The following KAZN variants were observed in gnomAD, a reference collection of about 807,000 sequenced individuals.
KAZN encodes kazrin, periplakin interacting protein, also known as kazrin.
KAZN carries 40 observed loss-of-function variants against 87.4 expected under a neutral mutation model. That is an observed-to-expected ratio of 0.46 (90% CI 0.36 to 0.60). The LOEUF is 0.60. Ranked by LOEUF, KAZN falls within the 20% of genes least tolerant of loss-of-function variation. The pLI, the probability that KAZN is intolerant of heterozygous loss-of-function variation, is 0.00. For synonymous variants in KAZN, 466 were observed against 458.3 expected (o/e 1.02, Z -0.22); for missense variants, 898 against 1,073.9 (o/e 0.84, Z 2.29).
At chr1:14,236,684 AG>A (rs1216194673) in intron 2 of KAZN, among the ~76,000 whole-genome samples, 2 of 152,112 alleles carry the variant, frequency 1.3e-5, no homozygotes, top group Non-Finnish European at 2.9e-5. Flanking sequence ...CTGGGAGGCA[AG>A]GGTGGGTAGA....
intron 2 of KAZN, among the ~76,000 whole-genome samples, chr1:14,246,274 C>A (rs61771842): frequency 0.035 from 5,298 of 152,150 alleles, 137 homozygotes; most frequent in Middle Eastern, 0.082. Flanking sequence ...ACCACCATGG[C>A]ACACATTTAC....
rs556323035 is a variant in KAZN, at chr1:14,210,235, A to G, written c.249+29643A>G. Among the ~76,000 whole-genome samples, 26 of 152,246 alleles carry G rather than the reference A, an allele frequency of 1.7e-4. No homozygotes were observed. In the South Asian group the frequency reaches 5.2e-3, roughly 30 times the overall value. ...TGGTGAATAAGTCTCATGAGAGCTG[A>G]TGGTTTTATAAAGGCCAGTTCCCCT... On this transcript the variant is annotated intron_variant, in intron 2 of 16. Coordinates refer to the KAZN transcript ENST00000636203.
chr1:13,916,122 A>G (rs1490147671), intron 1 of KAZN, among the ~76,000 whole-genome samples: 2 of 152,090 alleles, frequency 1.3e-5, no homozygotes, highest in African/African-American at 2.4e-5. Flanking sequence ...TGCAGGCCAG[A>G]TGTGGTTTTC....
chr1:14,907,612 ACT>A (rs1407823887), intron 1 of KAZN, among the ~76,000 whole-genome samples: 1 of 151,828 alleles, frequency 6.6e-6, no homozygotes, highest in Non-Finnish European at 1.5e-5. Flanking sequence ...GGGCATGATG[ACT>A]CTGCCCGGGC....
intron 2 of KAZN, among the ~76,000 whole-genome samples, chr1:14,325,880 ACTT>A (rs1325697260): frequency 6.6e-6 from 1 of 152,032 alleles, no homozygotes; most frequent in Admixed American, 6.5e-5. Context: ...TACCCCATCT[ACTT>A]CTTCTCCATA....
intron 2 of KAZN, among the ~76,000 whole-genome samples, chr1:14,485,542 G>C (rs1288729050): frequency 6.6e-6 from 1 of 152,126 alleles, no homozygotes; most frequent in East Asian, 1.9e-4. Flanking sequence ...ATGGCATTCA[G>C]TGATCCAAAA....
intron 1 of KAZN, among the ~76,000 whole-genome samples, chr1:13,946,318 T>C (rs958832423): frequency 2.6e-5 from 4 of 152,004 alleles, no homozygotes; most frequent in Non-Finnish European, 5.9e-5. Flanking sequence ...AGGCGAAGAG[T>C]TGCGATTCTG....
In KAZN at chr1:14,742,553, G is replaced by A. The variant is rs187944731; in HGVS notation, c.226+143330G>A. 2.4e-4 allele frequency among the ~76,000 whole-genome samples: 37 copies of A among 152,176 alleles called. 1 individual carries two copies. In the East Asian group the frequency reaches 2.7e-3, roughly 11 times the overall value. On this transcript the variant is annotated intron_variant, in intron 1 of 14. Coordinates refer to ENST00000376030, the MANE Select transcript of KAZN (RefSeq NM_201628.3). ...TCATCCGCCAGCAATAACCAATCTC[G>A]CCTCTCTGTGCTGCAGTCTTGGGAC...
Position 14,911,769 on chromosome 1 carries a change from T to C in KAZN, c.227-48915T>C, listed in dbSNP as rs565025169. Among the ~76,000 whole-genome samples, 6 of 151,592 alleles carry C rather than the reference T, an allele frequency of 4.0e-5. No individual in the cohort carries two copies. The South Asian group carries it at 1.3e-3, about 32-fold the overall frequency. On this transcript the variant is annotated intron_variant, in intron 1 of 14. Coordinates refer to ENST00000376030, the MANE Select transcript of KAZN (RefSeq NM_201628.3). ...CAGTGGGCTCTGCAGCTGGGAGGAGTCTTGCTGGAGATGATAGGAGTAGAT... is the reference window on the plus strand; with the variant it reads ...CAGTGGGCTCTGCAGCTGGGAGGAGCCTTGCTGGAGATGATAGGAGTAGAT...
chr1:14,146,915 C>T (rs532137007), intron 1 of KAZN, among the ~76,000 whole-genome samples: 139 of 151,914 alleles, frequency 9.1e-4, no homozygotes, highest in African/African-American at 3.2e-3. Flanking sequence ...TGTGTGGGTC[C>T]GCTTCTTCCA....
chr1:14,527,575 TTTATC>T (rs1671954655), intron 2 of KAZN, among the ~76,000 whole-genome samples: 1 of 146,542 alleles, frequency 6.8e-6, no homozygotes, highest in East Asian at 2.0e-4. Flanking sequence ...ACGATACAGG[TTTATC>T]TGGCTCATGG....
chr1:14,974,085 G>A (rs7517187), intron 2 of KAZN, among the ~76,000 whole-genome samples: 56,100 of 151,624 alleles, frequency 0.37, 11,897 homozygotes, highest in African/African-American at 0.59. Context: ...AGCTGGGTCC[G>A]GCAACCACAT....
At chr1:14,371,988 CA>C (rs1176308015) in intron 2 of KAZN, among the ~76,000 whole-genome samples, 65 of 152,266 alleles carry the variant, frequency 4.3e-4, no homozygotes, top group African/African-American at 1.5e-3. Flanking sequence ...AATCTTTCTG[CA>C]AAAAGAAGAA....
At chr1:14,813,166 T>C (rs899816227) in intron 1 of KAZN, among the ~76,000 whole-genome samples, 3 of 152,176 alleles carry the variant, frequency 2.0e-5, no homozygotes, top group Admixed American at 1.3e-4. Flanking sequence ...CCACCATTCA[T>C]GGGTATGGTG....
chr1:14,822,721 C>T (rs1228786142), intron 1 of KAZN, among the ~76,000 whole-genome samples: 1 of 152,184 alleles, frequency 6.6e-6, no homozygotes, highest in Non-Finnish European at 1.5e-5. Flanking sequence ...GAGGCTCCGT[C>T]GTGTTCCGGC....
In KAZN at chr1:15,069,884, A is replaced by G. The variant is rs12047760; in HGVS notation, c.1222+4131A>G. Among the ~76,000 whole-genome samples the G allele has an allele frequency of 2.0e-4, 30 of 152,338 alleles. No homozygotes were observed. In the East Asian group the frequency reaches 5.2e-3, roughly 26 times the overall value. On this transcript the variant is annotated intron_variant, in intron 8 of 14. Transcript: ENST00000376030. Reference sequence around the variant, plus strand: ...TGTGTGCTCCTCCTACCCACGTTGCAGGCTAAAACAGCTGTAACCAATAAT... The same window carrying G: ...TGTGTGCTCCTCCTACCCACGTTGCGGGCTAAAACAGCTGTAACCAATAAT...
chr1:14,578,663 T>C (rs1675342955), intron 2 of KAZN, among the ~76,000 whole-genome samples: 1 of 152,140 alleles, frequency 6.6e-6, no homozygotes, highest in South Asian at 2.1e-4. Context: ...CATGTTTCTT[T>C]GGGAGGAAAT....
intron 2 of KAZN, among the ~76,000 whole-genome samples, chr1:14,510,447 T>C (rs933552452): frequency 5.3e-5 from 8 of 151,836 alleles, no homozygotes; most frequent in African/African-American, 1.9e-4. Context: ...TTTGTATAAG[T>C]ATGTCCCAAA....
At chr1:15,000,681 C>T (rs138655524) in intron 2 of KAZN, among the ~76,000 whole-genome samples, 26 of 151,994 alleles carry the variant, frequency 1.7e-4, no homozygotes, top group African/African-American at 5.8e-4. Flanking sequence ...CAGCCCCTGG[C>T]ATGGAATAAG....
Sources: gnomAD v4.1 joint callset for allele counts (sites outside exome capture counted in the v4.1 genomes callset) on GRCh38, gnomAD v4.1.1 for gene constraint, MANE v1.5 for transcripts, NCBI Gene and HGNC (gene_info 2026-07-23, HGNC 2026-07-21) for gene names.